Variants in SLC25A21 observed in about 807,000 individuals in gnomAD.
The protein encoded by SLC25A21 is mitochondrial 2-oxodicarboxylate carrier.
Under a neutral mutation model 43.8 loss-of-function variants are expected in SLC25A21, and 47 were observed. The observed-to-expected ratio is 1.07, with a 90% CI of 0.85 to 1.37. The LOEUF is 1.37. Among genes scored for constraint, SLC25A21 ranks in the 40% most tolerant of loss-of-function variants. The pLI, the probability that SLC25A21 is intolerant of heterozygous loss-of-function variation, is 0.00. For missense variants in SLC25A21, 352 were observed against 350.2 expected (o/e 1.00, Z -0.04); for synonymous variants, 131 against 121.3 (o/e 1.08, Z -0.52).
intron 1 of SLC25A21, among the ~76,000 whole-genome samples, chr14:37,108,130 A>C (rs1487818808): frequency 6.6e-6 from 1 of 152,278 alleles, no homozygotes; most frequent in South Asian, 2.1e-4. Context: ...TCCCAAGATG[A>C]TATTATTGTG....
intron 1 of SLC25A21, among the ~76,000 whole-genome samples, chr14:36,923,133 G>A (rs2138626914): frequency 6.6e-6 from 1 of 151,840 alleles, no homozygotes; most frequent in East Asian, 1.9e-4. Flanking sequence ...AAAATTCCAA[G>A]GAGAAAAAAG....
intron 2 of SLC25A21, among the ~76,000 whole-genome samples, chr14:36,843,993 A>AC (rs892723963): frequency 6.6e-6 from 1 of 152,070 alleles, no homozygotes; most frequent in African/African-American, 2.4e-5. Flanking sequence ...TTTGAATGTG[A>AC]CCCCCCAAAA....
At chr14:37,043,880 G>A (rs1961526880) in intron 1 of SLC25A21, among the ~76,000 whole-genome samples, 1 of 150,976 alleles carries the variant, frequency 6.6e-6, no homozygotes, top group Admixed American at 6.6e-5. Flanking sequence ...AACTACAGGT[G>A]TGCACCATCA....
At chr14:37,019,883 A>AAG (rs1371824897) in intron 1 of SLC25A21, among the ~76,000 whole-genome samples, 1 of 151,846 alleles carries the variant, frequency 6.6e-6, no homozygotes, top group Non-Finnish European at 1.5e-5. Context: ...TTAAAGATGT[A>AAG]AGATATAGAT....
chr14:37,064,332 C>T (rs1962013479), intron 1 of SLC25A21, among the ~76,000 whole-genome samples: 1 of 152,096 alleles, frequency 6.6e-6, no homozygotes, highest in Non-Finnish European at 1.5e-5. Flanking sequence ...CTACCCATAT[C>T]CCAGGGTCTC....
At chr14:36,856,700 G>A (rs35657641) in intron 2 of SLC25A21, among the ~76,000 whole-genome samples, 3,579 of 152,248 alleles carry the variant, frequency 0.024, 136 homozygotes, top group African/African-American at 0.081. Flanking sequence ...AGCAGAGGCC[G>A]GCACGCAAGG....
At chr14:36,993,067 G>A (rs1960298034) in intron 1 of SLC25A21, among the ~76,000 whole-genome samples, 1 of 152,166 alleles carries the variant, frequency 6.6e-6, no homozygotes, top group Non-Finnish European at 1.5e-5. Flanking sequence ...GAATGAGAGT[G>A]AACATATTTA....
intron 1 of SLC25A21, among the ~76,000 whole-genome samples, chr14:37,035,480 C>T (rs947190908): frequency 6.6e-6 from 1 of 152,192 alleles, no homozygotes; most frequent in Non-Finnish European, 1.5e-5. Flanking sequence ...ACCACTTTTT[C>T]ATCAGGAAGA....
intron 2 of SLC25A21, among the ~76,000 whole-genome samples, chr14:36,832,769 G>C (rs1448073715): frequency 6.6e-6 from 1 of 152,090 alleles, no homozygotes; most frequent in Non-Finnish European, 1.5e-5. Context: ...ATAAATGACT[G>C]TTTCTACCCT....
At chr14:36,845,253 T>C (rs1264661674) in intron 2 of SLC25A21, among the ~76,000 whole-genome samples, 1 of 152,210 alleles carries the variant, frequency 6.6e-6, no homozygotes, top group Non-Finnish European at 1.5e-5. Flanking sequence ...CATGGATTTT[T>C]AAATATTAAT....
At chr14:37,056,461 A>G (rs1344357849) in intron 1 of SLC25A21, among the ~76,000 whole-genome samples, 1 of 151,042 alleles carries the variant, frequency 6.6e-6, no homozygotes, top group African/African-American at 2.4e-5. Flanking sequence ...ACTGCACTCC[A>G]GCCTGGGCGA....
intron 6 of SLC25A21, 24 bp from the exon 7 acceptor site, chr14:36,711,506 A>C: frequency 6.2e-7 from 1 of 1,610,532 alleles, no homozygotes; most frequent in Non-Finnish European, 8.5e-7. Context: ...AAGCAAGGCC[A>C]GAATGATCAT....
rs1215275763 is a variant in SLC25A21, at chr14:36,763,651, T to C, written c.204-29078A>G. Among the ~76,000 whole-genome samples the C allele has an allele frequency of 2.6e-5, 4 of 152,126 alleles. No homozygotes were observed. The East Asian group carries it at 7.8e-4, about 30-fold the overall frequency. ...GTAGAGGGGTCCTTGCTTGATTTGA[T>C]GTGGGTGCTCATGTAGGAATCAGAC... On this transcript the variant is annotated intron_variant, in intron 3 of 9. Coordinates refer to ENST00000331299, the MANE Select transcript of SLC25A21 (RefSeq NM_030631.4).
At chr14:37,090,289 C>A (rs1296583630) in intron 1 of SLC25A21, among the ~76,000 whole-genome samples, 3 of 152,222 alleles carry the variant, frequency 2.0e-5, no homozygotes, top group African/African-American at 7.2e-5. Context: ...AGTCAGCATA[C>A]TTGCTGCTGG....
At chr14:36,907,535 T>C (rs1290492118) in intron 1 of SLC25A21, among the ~76,000 whole-genome samples, 1 of 152,200 alleles carries the variant, frequency 6.6e-6, no homozygotes, top group Non-Finnish European at 1.5e-5. Flanking sequence ...TCTACAAACG[T>C]ACTAAAAATA....
At chr14:37,012,068 T>C (rs1432514937) in intron 1 of SLC25A21, among the ~76,000 whole-genome samples, 2 of 152,214 alleles carry the variant, frequency 1.3e-5, no homozygotes, top group Non-Finnish European at 2.9e-5. Context: ...AGCTGGGCTA[T>C]GCTCTGACTA....
At chr14:37,083,241 T>C (rs930533010) in intron 1 of SLC25A21, among the ~76,000 whole-genome samples, 7 of 152,230 alleles carry the variant, frequency 4.6e-5, no homozygotes, top group African/African-American at 1.4e-4. Flanking sequence ...ATTCACCAAA[T>C]GCTTTTTCAG....
chr14:37,148,653 T>C (rs1192649835), intron 1 of SLC25A21, among the ~76,000 whole-genome samples: 1 of 152,194 alleles, frequency 6.6e-6, no homozygotes, highest in African/African-American at 2.4e-5. Flanking sequence ...GCAAATGCAT[T>C]GAATAAATAT....
At chr14:37,082,813 A>G (rs924124965) in intron 1 of SLC25A21, among the ~76,000 whole-genome samples, 1 of 152,150 alleles carries the variant, frequency 6.6e-6, no homozygotes, top group African/African-American at 2.4e-5. Context: ...TTTCCAATGG[A>G]AATTAGGATT....
Sources: allele counts gnomAD v4.1 joint callset (sites outside exome capture counted in the v4.1 genomes callset), GRCh38; gene constraint gnomAD v4.1.1; transcripts MANE v1.5; gene names NCBI Gene and HGNC (gene_info 2026-07-23, HGNC 2026-07-21).